ZNF292: variants seen among roughly 807,000 people sequenced by gnomAD.
ZNF292 encodes 16 zinc-finger domain protein.
Under a neutral mutation model 217.9 loss-of-function variants are expected in ZNF292, and 26 were observed. The observed-to-expected ratio is 0.12, with a 90% CI of 0.09 to 0.17. The LOEUF (loss-of-function observed/expected upper bound fraction) is 0.17, where lower values mean the gene tolerates loss of function less well. Ranked by LOEUF, ZNF292 falls within the 10% of genes least tolerant of loss-of-function variation. The probability of loss-of-function intolerance (pLI) is 1.00; values close to 1 mark genes in which losing one functional copy is unlikely to be tolerated. For missense variants in ZNF292, 2,904 were observed against 3,175.2 expected (o/e 0.91, Z 2.05); for synonymous variants, 1,257 against 1,124.1 (o/e 1.12, Z -2.37).
intron 1 of ZNF292, among the ~76,000 whole-genome samples, chr6:87,191,021 T>C (rs546488836): frequency 2.0e-5 from 3 of 152,238 alleles, no homozygotes; most frequent in Admixed American, 6.5e-5. Flanking sequence ...TTTGTACTTA[T>C]ATGTTTATAT....
chr6:87,217,273 C>CA (rs1772835696), intron 3 of ZNF292, among the ~76,000 whole-genome samples: 1 of 152,040 alleles, frequency 6.6e-6, no homozygotes, highest in Non-Finnish European at 1.5e-5. Flanking sequence ...ACATTAAAAT[C>CA]TACATCAAGT....
intron 1 of ZNF292, among the ~76,000 whole-genome samples, chr6:87,158,129 C>G (rs188829943): frequency 6.6e-6 from 1 of 152,074 alleles, no homozygotes; most frequent in East Asian, 1.9e-4. Context: ...ATGCTACTGA[C>G]AAAAAAACAT....
At chr6:87,240,157 C>A (rs540521802) in intron 5 of ZNF292, among the ~76,000 whole-genome samples, 33 of 152,300 alleles carry the variant, frequency 2.2e-4, no homozygotes, top group African/African-American at 7.9e-4. Context: ...GGAGACCAGC[C>A]CGGCCAACAC....
chr6:87,199,602 T>A (rs1468772093), intron 1 of ZNF292, among the ~76,000 whole-genome samples: 1 of 152,216 alleles, frequency 6.6e-6, no homozygotes, highest in South Asian at 2.1e-4. Flanking sequence ...ATGGTCCATT[T>A]TGGGTTTTGT....
intron 4 of ZNF292, among the ~76,000 whole-genome samples, 153 bp from the exon 5 acceptor site, chr6:87,233,172 G>C (rs986503295): frequency 6.6e-5 from 10 of 151,922 alleles, no homozygotes; most frequent in African/African-American, 2.4e-4. Flanking sequence ...TTGCTTATAA[G>C]GTCAAGTCTT....
chr6:87,181,219 A>G (rs1199717766), intron 1 of ZNF292, among the ~76,000 whole-genome samples: 2 of 152,046 alleles, frequency 1.3e-5, no homozygotes, highest in Non-Finnish European at 2.9e-5. Context: ...GATCACACGC[A>G]GGCTCGAAGG....
At chr6:87,222,549 T>G (rs1421336645) in intron 4 of ZNF292, among the ~76,000 whole-genome samples, 3 of 152,088 alleles carry the variant, frequency 2.0e-5, no homozygotes, top group South Asian at 4.1e-4. Context: ...CCTAATTTAT[T>G]TTTTACATAA....
chr6:87,263,815 T>C lies in ZNF292; in HGVS notation c.*2014T>C, dbSNP rs1396053581. The C allele has an allele frequency of 6.6e-6, 1 of 152,086 alleles. No homozygotes were observed. Among genetic ancestry groups the C allele is most frequent in the Non-Finnish European group, 1.5e-5 (1 of 67,974 alleles). 9.4% of individuals were successfully genotyped at this position (152,086 alleles called of 1,614,324 possible). ...TAGAAATTGACCTAGCTCTTAAAGG[T>C]GGGCACTTGGCAAAACTGCCCTATA... On this transcript the variant is annotated 3_prime_UTR_variant, in exon 8 of 8. Transcript: ENST00000369577.
chr6:87,209,757 T>C (rs1421644168), intron 1 of ZNF292, among the ~76,000 whole-genome samples: 1 of 152,238 alleles, frequency 6.6e-6, no homozygotes, highest in Non-Finnish European at 1.5e-5. Flanking sequence ...TTTATTGTTA[T>C]TTTAAACTTG....
intron 1 of ZNF292, among the ~76,000 whole-genome samples, chr6:87,185,660 G>C (rs1436788750): frequency 6.6e-6 from 1 of 152,048 alleles, no homozygotes; most frequent in African/African-American, 2.4e-5. Flanking sequence ...ATAGAGATGG[G>C]GTTTCACCAT....
At chr6:87,242,110 T>C (rs1357503256) in intron 5 of ZNF292, among the ~76,000 whole-genome samples, 1 of 152,220 alleles carries the variant, frequency 6.6e-6, no homozygotes, top group Non-Finnish European at 1.5e-5. Context: ...GTTTAACATA[T>C]TGTAGATATT....
At chr6:87,219,771 A>G (rs1347496560) in intron 4 of ZNF292, among the ~76,000 whole-genome samples, 1 of 152,234 alleles carries the variant, frequency 6.6e-6, no homozygotes, top group Non-Finnish European at 1.5e-5. Context: ...AAAATTAGCT[A>G]CAGTGTTCTC....
chr6:87,222,635 ACT>A (rs1346304721), intron 4 of ZNF292: 17 of 266,142 alleles, frequency 6.4e-5, no homozygotes, highest in African/African-American at 3.0e-4. Flanking sequence ...ACCCGTTTTC[ACT>A]CTCATTAATA....
At chr6:87,229,872 AC>A in intron 4 of ZNF292, among the ~76,000 whole-genome samples, 1 of 152,138 alleles carries the variant, frequency 6.6e-6, no homozygotes, top group South Asian at 2.1e-4. Context: ...TACCAGAAGC[AC>A]CCTGGATTCT....
rs1317890592 is a variant in ZNF292 at position 87,258,083 on chromosome 6, A to T, written c.4454A>T (p.Glu1485Val). ...AACTTTAATACCAGTGTCAGTCAAG[A>T]AGGTAGTGAAATTATTAAACAGGCT... ...VTNFNTSVSQ[E>V]GSEIIKQALE... Residue 1485 changes from glutamate (E) to valine (V), a missense_variant, in exon 8 of 8, where the codon GAA becomes GTA. Physicochemically the swap from Glu to Val is moderately radical, Grantham distance 121. Transcript: ENST00000369577. The T allele has an allele frequency of 6.2e-7, 1 of 1,613,540 alleles. No homozygotes were observed. The highest frequency in any genetic ancestry group is 1.1e-5 in the South Asian group (1 of 91,052).
rs900674071 is a variant in ZNF292, at chr6:87,265,693, T to C, written c.*3892T>C. On this transcript the variant is annotated 3_prime_UTR_variant, in exon 8 of 8. Coordinates refer to ENST00000369577, the MANE Select transcript of ZNF292 (RefSeq NM_015021.3). ...AACTAGCATTCTAAAGAACACACTT[T>C]GGGAAATGCTGATCTCAAATGGCAT... Among the ~76,000 whole-genome samples the C allele has an allele frequency of 2.0e-5, 3 of 152,232 alleles. No individual in the cohort carries two copies. The highest frequency in any genetic ancestry group is 7.2e-5 in the African/African-American group (3 of 41,456).
chr6:87,240,060 A>C (rs1303687600), intron 5 of ZNF292, among the ~76,000 whole-genome samples: 3 of 152,130 alleles, frequency 2.0e-5, no homozygotes, highest in Non-Finnish European at 2.9e-5. Flanking sequence ...AGCCTGGGCA[A>C]CATTGAGCAC....
rs926838975 is a variant in ZNF292 at position 87,216,374 on chromosome 6, G to A, written c.399G>A (p.Val133=). The A allele has an allele frequency of 1.3e-6, 2 of 1,573,886 alleles. No homozygotes were observed. The highest frequency in any genetic ancestry group is 1.3e-5 in the African/African-American group (1 of 74,170). Residue 133 remains valine, a synonymous_variant, in exon 3 of 8, where the codon GTG becomes GTA. Transcript: ENST00000369577. The part of the protein sequence containing the change: ...DKQWEQFQTL[V]QVAHEKLMEN... Reference sequence around the variant, plus strand: ...AGTGGGAACAATTTCAGACACTGGTGCAGGTGAGAATCTTTATCTTTAGAT... The same window carrying A: ...AGTGGGAACAATTTCAGACACTGGTACAGGTGAGAATCTTTATCTTTAGAT...
chr6:87,217,546 C>T (rs1010200269), intron 3 of ZNF292, among the ~76,000 whole-genome samples: 19 of 152,104 alleles, frequency 1.2e-4, no homozygotes, highest in African/African-American at 3.9e-4. Flanking sequence ...TACACCCTAC[C>T]ACAGAATTAA....
Sources: allele counts gnomAD v4.1 joint callset (sites outside exome capture counted in the v4.1 genomes callset), GRCh38; gene constraint gnomAD v4.1.1; transcripts MANE v1.5; gene names NCBI Gene and HGNC (gene_info 2026-07-23, HGNC 2026-07-21).